CFAP299: variants seen among roughly 807,000 people sequenced by gnomAD.
CFAP299 encodes cilia- and flagella-associated protein 299.
A neutral mutation model predicts 27.0 loss-of-function variants in CFAP299; 21 were observed. That is an observed-to-expected ratio of 0.78 (90% CI 0.55 to 1.12). The LOEUF is 1.12. CFAP299 is among the 50% of genes most tolerant of loss of function. The pLI, the probability that CFAP299 is intolerant of heterozygous loss-of-function variation, is 0.00. For missense variants in CFAP299, 310 were observed against 276.6 expected, an observed-to-expected ratio of 1.12 and a Z score of -0.86; for synonymous variants, 104 against 98.1, an observed-to-expected ratio of 1.06 and a Z score of -0.36.
intron 2 of CFAP299, among the ~76,000 whole-genome samples, chr4:80,465,573 T>A (rs1286665959): frequency 6.6e-6 from 1 of 152,200 alleles, no homozygotes; most frequent in Non-Finnish European, 1.5e-5. Flanking sequence ...TAGCCTTCCA[T>A]CTTGTGCACA....
At chr4:80,389,884 A>G (rs763084220) in intron 2 of CFAP299, among the ~76,000 whole-genome samples, 3 of 152,196 alleles carry the variant, frequency 2.0e-5, no homozygotes, top group African/African-American at 7.2e-5. Flanking sequence ...CAATTAGCAC[A>G]TAGTAGAGCT....
intron 3 of CFAP299, among the ~76,000 whole-genome samples, chr4:80,838,395 G>T (rs182308459): frequency 6.6e-6 from 1 of 152,150 alleles, no homozygotes; most frequent in East Asian, 1.9e-4. Context: ...ATGGTTTTAG[G>T]TCTTATGTTT....
rs141460501 is a variant in CFAP299, at chr4:80,588,957, A to T, written c.333+5774A>T. 3.4e-3 allele frequency among the ~76,000 whole-genome samples: 523 copies of T among 152,270 alleles called. 4 individuals are homozygous for T. In the East Asian group the frequency reaches 0.038, roughly 11 times the overall value. The stretch of plus-strand genomic sequence containing the variant: ...CTTATCCAGGTTTATATAACTGGTT[A>T]GTGAGTGACTTAAATTCAAATCTAG... On this transcript the variant is annotated intron_variant, in intron 3 of 5. Transcript: ENST00000358105.
intron 3 of CFAP299, among the ~76,000 whole-genome samples, chr4:80,862,020 A>G (rs944337114): frequency 2.6e-5 from 4 of 152,180 alleles, no homozygotes; most frequent in Non-Finnish European, 5.9e-5. Flanking sequence ...CATTTTGGAT[A>G]CTAATATTGA....
chr4:80,556,609 G>T (rs1232233276), intron 2 of CFAP299, among the ~76,000 whole-genome samples: 1 of 151,830 alleles, frequency 6.6e-6, no homozygotes, highest in African/African-American at 2.4e-5. Context: ...GTCTCTCTTG[G>T]ATTTCAGGGA....
chr4:80,344,332 C>T (rs1166674978), intron 1 of CFAP299, among the ~76,000 whole-genome samples: 1 of 151,502 alleles, frequency 6.6e-6, no homozygotes, highest in African/African-American at 2.4e-5. Flanking sequence ...CACCACTGAC[C>T]CCACAAAAAT....
rs998632763 is a variant in CFAP299 at position 80,871,288 on chromosome 4, C to G, written c.476+1153C>G. ...ATTTAACTTCTCTCTTGCAGTAATG[C>G]CCATTGCCCATGTCTTTTTGATTTT... On this transcript the variant is annotated intron_variant, in intron 4 of 5. Coordinates refer to ENST00000358105, the MANE Select transcript of CFAP299 (RefSeq NM_152770.3). 9.1e-6 allele frequency: 9 copies of G among 985,252 alleles called. No homozygotes were observed. In the African/African-American group the frequency reaches 1.6e-4, roughly 17 times the overall value. 61.0% of individuals were successfully genotyped at this position (985,252 alleles called of 1,614,324 possible). A position where few individuals can be genotyped will look rare whatever the true frequency, so the allele number is the denominator to read the frequency against.
chr4:80,724,814 C>T (rs1043907369), intron 3 of CFAP299, among the ~76,000 whole-genome samples: 2 of 151,530 alleles, frequency 1.3e-5, no homozygotes, highest in African/African-American at 4.8e-5. Flanking sequence ...TGCTTTCTTC[C>T]TTTTTTTTCT....
intron 3 of CFAP299, among the ~76,000 whole-genome samples, chr4:80,725,736 C>T (rs776089123): frequency 2.6e-5 from 4 of 152,142 alleles, no homozygotes; most frequent in Admixed American, 6.6e-5. Flanking sequence ...TCAGACCTTC[C>T]GTATTGTAGG....
intron 2 of CFAP299, among the ~76,000 whole-genome samples, chr4:80,419,990 T>C (rs1449175974): frequency 6.6e-6 from 1 of 151,992 alleles, no homozygotes; most frequent in Non-Finnish European, 1.5e-5. Context: ...CACAAAGTGA[T>C]TATCACCTCC....
chr4:80,840,556 C>T (rs1333518130), intron 3 of CFAP299, among the ~76,000 whole-genome samples: 3 of 151,960 alleles, frequency 2.0e-5, no homozygotes, highest in African/African-American at 7.2e-5. Context: ...GCCCTTAAAC[C>T]ACATCCTGCA....
At chr4:80,453,741 CA>C (rs1729008052) in intron 2 of CFAP299, among the ~76,000 whole-genome samples, 1 of 150,778 alleles carries the variant, frequency 6.6e-6, no homozygotes, top group Admixed American at 6.6e-5. Context: ...CTCGGAAGGC[CA>C]AGGCAGGAGA....
chr4:80,471,944 A>T (rs1023983917), intron 2 of CFAP299, among the ~76,000 whole-genome samples: 2 of 152,174 alleles, frequency 1.3e-5, no homozygotes, highest in East Asian at 1.9e-4. Flanking sequence ...ATGGCAAGCC[A>T]CACTGCCCCT....
chr4:80,519,898 A>G (rs183285703), intron 2 of CFAP299, among the ~76,000 whole-genome samples: 3 of 152,294 alleles, frequency 2.0e-5, no homozygotes, highest in African/African-American at 7.2e-5. Context: ...TAGTCAGTCT[A>G]TAGCTGCAGT....
chr4:80,799,687 A>T (rs1423815858), intron 3 of CFAP299, among the ~76,000 whole-genome samples: 1 of 47,626 alleles, frequency 2.1e-5, no homozygotes, highest in Non-Finnish European at 3.2e-5. Context: ...ATTTATAAAT[A>T]TATAATATAT....
At chr4:80,883,898 C>T (rs1012991959) in intron 4 of CFAP299, among the ~76,000 whole-genome samples, 2 of 152,038 alleles carry the variant, frequency 1.3e-5, no homozygotes, top group African/African-American at 4.8e-5. Context: ...CAGGGGTACA[C>T]GTGCAGGATG....
At position 80,341,889 on chromosome 4, in the gene CFAP299, C is replaced by T. The variant is rs146011606; in HGVS notation, c.111+6010C>T. ...AATGAGCTTTGCTGAGCTAAAGGAG[C>T]ATGTTGTAACCCAATGAAAAGAAGC... On this transcript the variant is annotated intron_variant, in intron 1 of 5. Coordinates refer to ENST00000358105, the MANE Select transcript of CFAP299 (RefSeq NM_152770.3). Among the ~76,000 whole-genome samples, 1,331 of 152,258 alleles carry T rather than the reference C, an allele frequency of 8.7e-3. 24 individuals carry two copies. The highest frequency in any genetic ancestry group is 0.03 in the African/African-American group (1,226 of 41,540).
At chr4:80,402,632 C>T (rs554735662) in intron 2 of CFAP299, among the ~76,000 whole-genome samples, 2 of 152,228 alleles carry the variant, frequency 1.3e-5, no homozygotes, top group Admixed American at 6.5e-5. Flanking sequence ...CTAACACATG[C>T]GTACACAGAG....
At chr4:80,577,020 A>G (rs1735902164) in intron 2 of CFAP299, among the ~76,000 whole-genome samples, 1 of 151,660 alleles carries the variant, frequency 6.6e-6, no homozygotes, top group Non-Finnish European at 1.5e-5. Flanking sequence ...TGCATACCTC[A>G]CTCCTCCTAC....
Sources: gnomAD v4.1 joint callset for allele counts (sites outside exome capture counted in the v4.1 genomes callset) on GRCh38, gnomAD v4.1.1 for gene constraint, MANE v1.5 for transcripts, NCBI Gene and HGNC (gene_info 2026-07-23, HGNC 2026-07-21) for gene names.